MYO19: variants seen among roughly 807,000 people sequenced by gnomAD.
MYO19 encodes the protein myosin XIX, also known as unconventional myosin-XIX.
A neutral mutation model predicts 129.2 loss-of-function variants in MYO19; 132 were observed. That is an observed-to-expected ratio of 1.02 (90% CI 0.89 to 1.18). The LOEUF is 1.18. Among genes scored for constraint, MYO19 ranks in the 50% most tolerant of loss-of-function variants. The pLI, the probability that MYO19 is intolerant of heterozygous loss-of-function variation, is 0.00. For synonymous variants in MYO19, 531 were observed against 477.2 expected (o/e 1.11, Z -1.47); for missense variants, 1,210 against 1,216.7 (o/e 0.99, Z 0.08).
chr17:36,503,258 G>C, intron 20 of MYO19, 58 bp from the exon 21 acceptor site: 1 of 1,361,524 alleles, frequency 7.3e-7, no homozygotes, highest in Non-Finnish European at 1.1e-6. Context: ...CAGGTTAACG[G>C]TTCAGGGCTC....
chr17:36,499,664 C>CTTTTTTCTTTTTTTTTTTTTTT (rs2071346235), intron 23 of MYO19: 6 of 62,636 alleles, frequency 9.6e-5, no homozygotes, highest in African/African-American at 4.1e-4. Context: ...CTTTTTGTTT[C>CTTTTTTCTTTTTTTTTTTTTTT]TTTTTTTTTT....
At chr17:36,522,171 G>A (rs2073176719) in intron 6 of MYO19, among the ~76,000 whole-genome samples, 1 of 152,062 alleles carries the variant, frequency 6.6e-6, no homozygotes, top group African/African-American at 2.4e-5. Context: ...ATTTTCAGAT[G>A]TGCAACAATT....
At position 36,532,630 on chromosome 17, in the gene MYO19, T is replaced by C. The variant is rs760680243; in HGVS notation, c.-92A>G. On this transcript the variant is annotated 5_prime_UTR_variant, in exon 3 of 26. Transcript: ENST00000614623. The stretch of plus-strand genomic sequence containing the variant: ...CATGGGACCATGGGCTGGGGTATGG[T>C]TCCAACAAAGGGCTCAGTTCTGGAG... 79 of 1,478,808 alleles carry C rather than the reference T, an allele frequency of 5.3e-5. No individual in the cohort carries two copies. The highest frequency in any genetic ancestry group is 3.6e-4 in the African/African-American group (26 of 71,512). The allele number at this position is 1,478,808 out of a possible 1,614,324, so 91.6% of individuals were successfully genotyped here. A position where few individuals can be genotyped will look rare whatever the true frequency, so the allele number is the denominator to read the frequency against.
At chr17:36,514,371 G>T in intron 9 of MYO19, 75 bp downstream of exon 9, 1 of 938,406 alleles carries the variant, frequency 1.1e-6, no homozygotes. Flanking sequence ...GAGCATTCTG[G>T]GGAGTGGGGG....
chr17:36,503,008 G>A, intron 21 of MYO19, 89 bp downstream of exon 21: 1 of 1,094,512 alleles, frequency 9.1e-7, no homozygotes, highest in Middle Eastern at 2.5e-4. Context: ...TCACCAGTAA[G>A]CCCCAGCCCC....
intron 13 of MYO19, chr17:36,509,991 C>T (rs776413572): frequency 2.0e-5 from 3 of 152,242 alleles, no homozygotes; most frequent in East Asian, 1.9e-4. Flanking sequence ...ATTTTCAACT[C>T]GGACGATCTG....
intron 11 of MYO19, 87 bp from the exon 12 acceptor site, chr17:36,511,542 C>G: frequency 8.3e-7 from 1 of 1,198,186 alleles, no homozygotes; most frequent in Non-Finnish European, 1.2e-6. Flanking sequence ...AGTACAATCA[C>G]GACAGCAGAA....
rs1277498315 is a variant in MYO19 at position 36,503,183 on chromosome 17, A to C, written c.1994T>G (p.Phe665Cys). The change falls in exon 21 of 26, where the codon TTT becomes TGT. Residue 665 changes from phenylalanine (F) to cysteine (C), a missense_variant. By Grantham distance (205) the Phe-to-Cys change is radical. Transcript: ENST00000614623. The stretch of plus-strand genomic sequence containing the variant: ...TCTTAGTAACTTGTATCGTTCTACA[A>C]AGTTTCGGTGAGAGACCCTGGAGGC... The part of the protein sequence containing the change: ...GFPIRVSHRN[F>C]VERYKLLRRL... 1.9e-6 allele frequency: 3 copies of C among 1,614,004 alleles called. No homozygotes were observed. Among genetic ancestry groups the C allele is most frequent in the Non-Finnish European group, 2.5e-6 (3 of 1,179,884 alleles).
rs2073884709 is a variant in MYO19 at position 36,532,429 on chromosome 17, G to C, written c.12+98C>G. On this transcript the variant is annotated intron_variant, in intron 3 of 25. Transcript: ENST00000614623. ...GGAGAGACAATTTGAGGAGAGAAAA[G>C]AGACCTTTAAGGGGGCTTTCCCTTC... is the stretch of plus-strand genomic sequence containing the variant. 2.8e-6 allele frequency: 4 copies of C among 1,417,772 alleles called. No individual in the cohort carries two copies. The South Asian group carries it at 3.7e-5, about 13-fold the overall frequency. The allele number at this position is 1,417,772 out of a possible 1,614,324, so 87.8% of individuals were successfully genotyped here.
At chr17:36,537,087 T>C, upstream of MYO19, 1 of 1,570,444 alleles carries the variant, frequency 6.4e-7, no homozygotes, top group Non-Finnish European at 8.6e-7. Context: ...TGCTCTTGTT[T>C]TCACAGGAAG....
At chr17:36,539,589 CAGTG>C (rs1229838692), upstream of MYO19, among the ~76,000 whole-genome samples, 3 of 143,524 alleles carry the variant, frequency 2.1e-5, no homozygotes, top group Admixed American at 1.4e-4. Flanking sequence ...TCCTGGGAAA[CAGTG>C]AGACCCTGTC....
At chr17:36,537,084 G>A (rs753061168), upstream of MYO19, 6 of 1,567,304 alleles carry the variant, frequency 3.8e-6, no homozygotes, top group African/African-American at 1.4e-5. Context: ...CTTTGCTCTT[G>A]TTTTCACAGG....
chr17:36,543,067 A>G (rs1275508988), intron 1 of MYO19: 1 of 152,174 alleles, frequency 6.6e-6, no homozygotes, highest in African/African-American at 2.4e-5. Context: ...AAAAATGTCC[A>G]AATTTTGGCT....
intron 25 of MYO19, among the ~76,000 whole-genome samples, 165 bp from the exon 26 acceptor site, chr17:36,496,571 G>C (rs990628787): frequency 6.6e-6 from 1 of 152,166 alleles, no homozygotes; most frequent in African/African-American, 2.4e-5. Flanking sequence ...GTGTGAGACA[G>C]ATGAGGAAAC....
At chr17:36,520,714 T>G (rs2073081073) in intron 6 of MYO19, among the ~76,000 whole-genome samples, 1 of 152,240 alleles carries the variant, frequency 6.6e-6, no homozygotes, top group African/African-American at 2.4e-5. Context: ...TCCTTCTGAC[T>G]TTCTTAATTT....
At chr17:36,544,332 C>G (rs1392586581), upstream of MYO19, among the ~76,000 whole-genome samples, 7 of 152,232 alleles carry the variant, frequency 4.6e-5, no homozygotes, top group Non-Finnish European at 7.3e-5. Flanking sequence ...GCAGCGGGCC[C>G]CTGGCGAGCC....
rs761047785 is a variant in MYO19, at chr17:36,499,070, C to CA, written c.2463+4_2463+5insT. ...GCCCACCCCGACTTCTTGGGTCTTACTTACTCTCCACTTCTGCCATGCACG... is the reference window on the plus strand; with the variant it reads ...GCCCACCCCGACTTCTTGGGTCTTACATTACTCTCCACTTCTGCCATGCACG... On this transcript the variant is annotated splice_donor_region_variant and intron_variant, in intron 24 of 25. Transcript: ENST00000614623. 6.2e-7 allele frequency: 1 copy of CA among 1,604,080 alleles called. No homozygotes were observed. Among genetic ancestry groups the CA allele is most frequent in the East Asian group, 2.2e-5 (1 of 44,682 alleles).
At chr17:36,530,713 CA>C (rs2073785642) in intron 3 of MYO19, among the ~76,000 whole-genome samples, 1 of 152,028 alleles carries the variant, frequency 6.6e-6, no homozygotes, top group Admixed American at 6.6e-5. Context: ...CACTGTCTCC[CA>C]GGTTCAAGTG....
chr17:36,534,477 G>T (rs576196502), intron 1 of MYO19, among the ~76,000 whole-genome samples: 142 of 152,322 alleles, frequency 9.3e-4, no homozygotes, highest in African/African-American at 3.3e-3. Context: ...TCAGCTGGGC[G>T]AAGAGTGGAG....
Sources: allele counts gnomAD v4.1 joint callset (sites outside exome capture counted in the v4.1 genomes callset), GRCh38; gene constraint gnomAD v4.1.1; transcripts MANE v1.5; gene names NCBI Gene and HGNC (gene_info 2026-07-23, HGNC 2026-07-21).